Variants in ROBO2 observed in about 807,000 individuals in gnomAD.
ROBO2 encodes the protein roundabout guidance receptor 2, also known as roundabout homolog 2.
ROBO2 carries 53 observed loss-of-function variants against 160.8 expected under a neutral mutation model. The observed-to-expected ratio is 0.33, with a 90% CI of 0.26 to 0.41. The LOEUF (loss-of-function observed/expected upper bound fraction) is 0.41, where lower values mean the gene tolerates loss of function less well. ROBO2 is among the 10% of genes least tolerant of loss of function. The probability of loss-of-function intolerance (pLI) is 1.00; values close to 1 mark genes in which losing one functional copy is unlikely to be tolerated. For synonymous variants in ROBO2, 664 were observed against 611.7 expected (o/e 1.09, Z -1.26); for missense variants, 1,577 against 1,722.4 (o/e 0.92, Z 1.49).
At chr3:76,502,448 A>G (rs1375527127) in intron 2 of ROBO2, among the ~76,000 whole-genome samples, 1 of 152,248 alleles carries the variant, frequency 6.6e-6, no homozygotes, top group Non-Finnish European at 1.5e-5. Flanking sequence ...GGTTGATGTA[A>G]ACTTATTTAC....
At chr3:76,712,510 A>G (rs1223166759) in intron 2 of ROBO2, among the ~76,000 whole-genome samples, 1 of 151,934 alleles carries the variant, frequency 6.6e-6, no homozygotes, top group Non-Finnish European at 1.5e-5. Context: ...CCTCATCTCT[A>G]CTAAAAATAC....
chr3:77,257,541 A>G (rs529519649), intron 2 of ROBO2, among the ~76,000 whole-genome samples: 1 of 152,348 alleles, frequency 6.6e-6, no homozygotes, highest in African/African-American at 2.4e-5. Flanking sequence ...GGAAATAACT[A>G]TGTATGAACA....
chr3:77,365,591 C>A (rs2070741628), intron 2 of ROBO2, among the ~76,000 whole-genome samples: 1 of 152,158 alleles, frequency 6.6e-6, no homozygotes, highest in Admixed American at 6.6e-5. Context: ...TAGAAAGATT[C>A]ATCACTTTGT....
intron 2 of ROBO2, among the ~76,000 whole-genome samples, chr3:76,332,325 T>C (rs948962869): frequency 6.6e-6 from 1 of 152,216 alleles, no homozygotes; most frequent in African/African-American, 2.4e-5. Context: ...CAAGGTGTTT[T>C]AGGGCCAAAT....
Position 76,382,466 on chromosome 3 carries a change from A to G in ROBO2, c.109+444864A>G, listed in dbSNP as rs574682001. ...ATCCGGGCGCGGTGGCGGCGCCTGT[A>G]GTCCCAGCTACTCGGGAGGCTGAGG... On this transcript the variant is annotated intron_variant, in intron 2 of 26. Transcript: ENST00000487694. Among the ~76,000 whole-genome samples the G allele has an allele frequency of 3.9e-5, 6 of 152,280 alleles. 1 individual carries two copies. Among genetic ancestry groups the G allele is most frequent in the African/African-American group, 1.4e-4 (6 of 41,572 alleles).
chr3:77,383,386 G>T (rs1418364677), intron 2 of ROBO2, among the ~76,000 whole-genome samples: 2 of 151,724 alleles, frequency 1.3e-5, no homozygotes, highest in Admixed American at 6.6e-5. Flanking sequence ...ATTAAAATTT[G>T]GAAACAAGTT....
intron 2 of ROBO2, among the ~76,000 whole-genome samples, chr3:77,452,418 T>A (rs183165400): frequency 3.5e-4 from 53 of 152,298 alleles, no homozygotes; most frequent in African/African-American, 1.2e-3. Context: ...TCAGATAAAC[T>A]AACCATGTTT....
intron 2 of ROBO2, among the ~76,000 whole-genome samples, chr3:76,441,965 G>A (rs777537214): frequency 2.2e-4 from 34 of 152,308 alleles, no homozygotes; most frequent in South Asian, 1.2e-3. Context: ...AGAAGAGAGA[G>A]AGAGAAAGAA....
chr3:76,992,199 G>T (rs1578105664), intron 2 of ROBO2, among the ~76,000 whole-genome samples: 2 of 151,584 alleles, frequency 1.3e-5, no homozygotes, highest in South Asian at 4.2e-4. Context: ...TCAGAAAAGG[G>T]CAGATAACTG....
intron 1 of ROBO2, among the ~76,000 whole-genome samples, chr3:77,076,158 TAGAA>T (rs574180007): frequency 2.1e-3 from 317 of 152,322 alleles, no homozygotes; most frequent in Middle Eastern, 6.8e-3. Flanking sequence ...TAGTTTTATT[TAGAA>T]AGACTTATTG....
At chr3:76,229,130 T>C (rs530991908) in intron 2 of ROBO2, among the ~76,000 whole-genome samples, 2 of 152,296 alleles carry the variant, frequency 1.3e-5, no homozygotes, top group African/African-American at 4.8e-5. Context: ...CCCACTGCAT[T>C]TGGAGAAAAG....
intron 2 of ROBO2, among the ~76,000 whole-genome samples, chr3:76,033,894 G>A (rs2067012391): frequency 6.6e-6 from 1 of 152,172 alleles, no homozygotes; most frequent in Non-Finnish European, 1.5e-5. Context: ...CTTAATAGGA[G>A]ATCCTGGAAT....
intron 2 of ROBO2, among the ~76,000 whole-genome samples, chr3:77,023,390 T>C (rs6785304): frequency 0.3 from 44,956 of 152,016 alleles, 9,367 homozygotes; most frequent in African/African-American, 0.59. Context: ...ACTAATACAA[T>C]GTTTGTCCTT....
chr3:76,405,505 A>T (rs1199220366), intron 2 of ROBO2, among the ~76,000 whole-genome samples: 2 of 151,804 alleles, frequency 1.3e-5, no homozygotes, highest in African/African-American at 4.8e-5. Context: ...AAATTTACGC[A>T]GTCAAGTAAA....
At chr3:75,966,253 A>C (rs1440487837) in intron 2 of ROBO2, among the ~76,000 whole-genome samples, 2 of 116,512 alleles carry the variant, frequency 1.7e-5, no homozygotes, top group African/African-American at 5.5e-5. Context: ...TCTCTTTAGC[A>C]CTTTGCCTAA....
At chr3:76,216,598 A>G (rs1315633127) in intron 2 of ROBO2, among the ~76,000 whole-genome samples, 1 of 152,200 alleles carries the variant, frequency 6.6e-6, no homozygotes, top group African/African-American at 2.4e-5. Flanking sequence ...TCAATTCAAC[A>G]AGAAGAGCTA....
intron 2 of ROBO2, among the ~76,000 whole-genome samples, chr3:77,261,395 G>T (rs928700474): frequency 6.6e-5 from 10 of 152,160 alleles, no homozygotes; most frequent in African/African-American, 2.4e-4. Flanking sequence ...AAGCTTTCCT[G>T]TAGGCTGAGG....
intron 2 of ROBO2, among the ~76,000 whole-genome samples, chr3:76,603,345 AAAAAAAATATATATAT>A (rs1452571805): frequency 0.13 from 8,179 of 61,416 alleles, 349 homozygotes; most frequent in Non-Finnish European, 0.17. Flanking sequence ...AAAAAAAAAA[AAAAAAAATATATATAT>A]ATATATATAT....
chr3:77,056,975 G>A (rs2065812477), intron 1 of ROBO2, among the ~76,000 whole-genome samples: 2 of 152,016 alleles, frequency 1.3e-5, no homozygotes, highest in Non-Finnish European at 2.9e-5. Context: ...TATACCCAAA[G>A]GATTATCAAT....
Sources: gnomAD v4.1 joint callset for allele counts (sites outside exome capture counted in the v4.1 genomes callset) on GRCh38, gnomAD v4.1.1 for gene constraint, MANE v1.5 for transcripts, NCBI Gene and HGNC (gene_info 2026-07-23, HGNC 2026-07-21) for gene names.